SPIRE2: variants seen among roughly 807,000 people sequenced by gnomAD.
The protein encoded by SPIRE2 is protein spire homolog 2.
Under a neutral mutation model 80.7 loss-of-function variants are expected in SPIRE2, and 76 were observed. That is an observed-to-expected ratio of 0.94 (90% CI 0.78 to 1.14). SPIRE2 has a LOEUF of 1.14. Ranked by LOEUF, SPIRE2 falls within the 50% of genes most tolerant of loss-of-function variation. SPIRE2 has a pLI of 0.00. For synonymous variants in SPIRE2, 535 were observed against 432.6 expected, an observed-to-expected ratio of 1.24 and a Z score of -2.94; for missense variants, 1,196 against 1,015.3, an observed-to-expected ratio of 1.18 and a Z score of -2.42.
intron 2 of SPIRE2, among the ~76,000 whole-genome samples, chr16:89,848,013 G>A (rs76884033): frequency 0.022 from 3,310 of 152,272 alleles, 132 homozygotes; most frequent in African/African-American, 0.076. Context: ...AGGCACAATC[G>A]GAGCCACGCG....
At chr16:89,841,042 G>C (rs375409976) in intron 1 of SPIRE2, among the ~76,000 whole-genome samples, 1 of 152,016 alleles carries the variant, frequency 6.6e-6, no homozygotes, top group South Asian at 2.1e-4. Flanking sequence ...ATCTGAGTCA[G>C]GTGCAGTAGC....
In SPIRE2 at chr16:89,859,373, C is replaced by G; in HGVS notation, c.1462+19C>G. 2 of 1,467,784 alleles carry G rather than the reference C, an allele frequency of 1.4e-6. No homozygotes were observed. Among genetic ancestry groups the G allele is most frequent in the African/African-American group, 1.4e-5 (1 of 70,538 alleles). 90.9% of individuals were successfully genotyped at this position (1,467,784 alleles called of 1,614,324 possible). On this transcript the variant is annotated intron_variant, in intron 9 of 14. Coordinates refer to ENST00000378247, the MANE Select transcript of SPIRE2 (RefSeq NM_032451.2). ...GACCAGGGCAAGTGCTGCTTCTCAC[C>G]CCCGTACCCTCCTTCGCCCCCACCC...
At chr16:89,856,783 G>C (rs1473329765) in intron 7 of SPIRE2, among the ~76,000 whole-genome samples, 1 of 151,838 alleles carries the variant, frequency 6.6e-6, no homozygotes, top group Non-Finnish European at 1.5e-5. Flanking sequence ...GATGAGGCTG[G>C]GCTCAGTAGC....
Position 89,870,477 on chromosome 16 carries a change from TTTC to T in SPIRE2, c.*210_*212del, listed in dbSNP as rs2041830663. 3.9e-6 allele frequency: 2 copies of T among 518,420 alleles called. No homozygotes were observed. The highest frequency in any genetic ancestry group is 3.2e-5 in the East Asian group (1 of 31,536). The allele number at this position is 518,420 out of a possible 1,614,324, so 32.1% of individuals were successfully genotyped here. A position where few individuals can be genotyped will look rare whatever the true frequency, so the allele number is the denominator to read the frequency against. ...TCAAAACCCTCCCTGGGGGAGGCTG[TTTC>T]TTCTCAGGATTCCTTGCCAGGGAGG... On this transcript the variant is annotated 3_prime_UTR_variant, in exon 15 of 15. Transcript: ENST00000378247.
At chr16:89,831,038 T>C (rs1332702286) in intron 1 of SPIRE2, among the ~76,000 whole-genome samples, 1 of 149,852 alleles carries the variant, frequency 6.7e-6, no homozygotes, top group Non-Finnish European at 1.5e-5. Flanking sequence ...GCCTCCCGAG[T>C]AGCTGGGACT....
chr16:89,837,382 G>A (rs2041460372), intron 1 of SPIRE2, among the ~76,000 whole-genome samples: 1 of 152,180 alleles, frequency 6.6e-6, no homozygotes, highest in African/African-American at 2.4e-5. Context: ...CCTTGGGTCA[G>A]TTCCTCACCC....
intron 1 of SPIRE2, among the ~76,000 whole-genome samples, chr16:89,831,912 G>C (rs1391604206): frequency 6.6e-6 from 1 of 151,992 alleles, no homozygotes; most frequent in Non-Finnish European, 1.5e-5. Context: ...TTCCCAACCT[G>C]TTCATCTCGC....
chr16:89,859,639 T>G lies in SPIRE2; in HGVS notation c.1462+285T>G, dbSNP rs1034332744. Among the ~76,000 whole-genome samples the G allele has an allele frequency of 3.7e-4, 57 of 152,320 alleles. No individual in the cohort carries two copies. The Middle Eastern group carries it at 0.01, about 27-fold the overall frequency. ...TAATTAACTTTGGGATATAGAAAGA[T>G]AGCTAACTAGATGAGTGATAGACCC... On this transcript the variant is annotated intron_variant, in intron 9 of 14. Coordinates refer to ENST00000378247, the MANE Select transcript of SPIRE2 (RefSeq NM_032451.2).
chr16:89,830,383 T>C (rs371589376), intron 1 of SPIRE2, among the ~76,000 whole-genome samples: 1 of 151,234 alleles, frequency 6.6e-6, no homozygotes, highest in South Asian at 2.1e-4. Context: ...CATAACCCTG[T>C]CTCATGAAGG....
Position 89,858,515 on chromosome 16 carries a change from C to A in SPIRE2, c.1272+8C>A. On this transcript the variant is annotated splice_region_variant and intron_variant, in intron 8 of 14. Coordinates refer to ENST00000378247, the MANE Select transcript of SPIRE2 (RefSeq NM_032451.2). ...GAGATGAATACATCTGAGGTCAGAA[C>A]CCATGGGGATTCCTGAAAAGAGACC... The A allele has an allele frequency of 6.4e-7, 1 of 1,553,998 alleles. No individual in the cohort carries two copies. Among genetic ancestry groups the A allele is most frequent in the Non-Finnish European group, 8.7e-7 (1 of 1,150,312 alleles).
intron 1 of SPIRE2, chr16:89,836,203 A>G (rs773424829): frequency 1.1e-5 from 5 of 455,990 alleles, no homozygotes; most frequent in South Asian, 7.7e-5. Context: ...AACATAGGTT[A>G]TTCTCTTACA....
At chr16:89,842,968 G>T (rs1245991723) in intron 1 of SPIRE2, among the ~76,000 whole-genome samples, 2 of 152,220 alleles carry the variant, frequency 1.3e-5, no homozygotes, top group Non-Finnish European at 2.9e-5. Context: ...AAATATTTGT[G>T]GAGTTAGCAG....
intron 1 of SPIRE2, among the ~76,000 whole-genome samples, chr16:89,838,003 T>G (rs75876139): frequency 0.037 from 5,634 of 150,384 alleles, 351 homozygotes; most frequent in African/African-American, 0.13. Context: ...CTCAGCAGCT[T>G]CTTTTTTTGT....
At chr16:89,868,928 G>A (rs965294330) in intron 13 of SPIRE2, among the ~76,000 whole-genome samples, 37 of 150,052 alleles carry the variant, frequency 2.5e-4, no homozygotes, top group African/African-American at 8.6e-4. Flanking sequence ...CACTTTGGGA[G>A]GCTGAGGTGG....
chr16:89,853,115 T>C (rs1017850643), intron 3 of SPIRE2, among the ~76,000 whole-genome samples: 1 of 152,194 alleles, frequency 6.6e-6, no homozygotes, highest in Non-Finnish European at 1.5e-5. Context: ...CCTCCTGCTG[T>C]TGTGTCTCTG....
At chr16:89,857,751 G>A (rs541010126) in intron 7 of SPIRE2, among the ~76,000 whole-genome samples, 1 of 151,562 alleles carries the variant, frequency 6.6e-6, no homozygotes, top group Admixed American at 6.6e-5. Context: ...TGTATTTTTA[G>A]TAGAGACGGG....
At chr16:89,853,862 TCATCCACCCTCC>T (rs1380702266) in intron 3 of SPIRE2, among the ~76,000 whole-genome samples, 2 of 152,246 alleles carry the variant, frequency 1.3e-5, no homozygotes, top group Non-Finnish European at 2.9e-5. Flanking sequence ...AGGCAGCAGC[TCATCCACCCTCC>T]CATCCACCTG....
chr16:89,866,538 G>A (rs938035537), intron 12 of SPIRE2, among the ~76,000 whole-genome samples: 3 of 151,858 alleles, frequency 2.0e-5, no homozygotes, highest in East Asian at 1.9e-4. Context: ...TCAGGTGATC[G>A]CCCACCTTGG....
chr16:89,843,448 A>C (rs2041522546), intron 1 of SPIRE2, among the ~76,000 whole-genome samples: 1 of 151,694 alleles, frequency 6.6e-6, no homozygotes, highest in African/African-American at 2.4e-5. Flanking sequence ...AGGCATAAAC[A>C]GTCTTGGGGG....
Sources: gnomAD v4.1 joint callset for allele counts (sites outside exome capture counted in the v4.1 genomes callset) on GRCh38, gnomAD v4.1.1 for gene constraint, MANE v1.5 for transcripts, NCBI Gene and HGNC (gene_info 2026-07-23, HGNC 2026-07-21) for gene names.